DSP: variants seen among roughly 807,000 people sequenced by gnomAD.
The protein encoded by DSP is 250/210 kDa paraneoplastic pemphigus antigen.
In DSP, 114 loss-of-function variants were observed where a neutral mutation model predicts 290.6. That is an observed-to-expected ratio of 0.39 (90% CI 0.34 to 0.46). DSP has a LOEUF of 0.46. DSP is among the 20% of genes least tolerant of loss of function. The probability of loss-of-function intolerance (pLI) is 0.99; values close to 1 mark genes in which losing one functional copy is unlikely to be tolerated. For synonymous variants in DSP, 1,311 were observed against 1,316.4 expected (o/e 1.00, Z 0.09); for missense variants, 3,230 against 3,495.8 (o/e 0.92, Z 1.92).
rs1303168294 is a variant in DSP at position 7,585,702 on chromosome 6, C to T, written c.8440C>T (p.Pro2814Ser). Reference sequence around the variant, plus strand: ...CGCCTCCGTGTCGTCCAAGGGCTTACCCAGCCCTTACAACATGTCTTCGGC... The same window carrying T: ...CGCCTCCGTGTCGTCCAAGGGCTTATCCAGCCCTTACAACATGTCTTCGGC... ...EAASVSSKGL[P>S]SPYNMSSAPG... The change falls in exon 24 of 24, where the codon CCC (proline) becomes TCC (serine). Residue 2814 changes from proline to serine, a missense_variant. By Grantham distance (74) the Pro-to-Ser change is moderately conservative. Around this residue, in one of 5 missense-constraint regions of DSP, gnomAD observed 582 missense variants for 555.4 expected, o/e 1.05. Coordinates refer to ENST00000379802, the MANE Select transcript of DSP (RefSeq NM_004415.4). 6.2e-7 allele frequency: 1 copy of T among 1,613,902 alleles called. No homozygotes were observed. The highest frequency in any genetic ancestry group is 8.5e-7 in the Non-Finnish European group (1 of 1,179,956).
At position 7,579,078 on chromosome 6, in the gene DSP, G is replaced by T. The variant is rs2757634; in HGVS notation, c.3085-197G>T. Among the ~76,000 whole-genome samples the T allele has an allele frequency of 0.68, 103,719 of 152,052 alleles. 35,679 individuals are homozygous for T. The highest frequency in any genetic ancestry group is 0.8 in the East Asian group (4,126 of 5,178). On this transcript the variant is annotated intron_variant, in intron 22 of 23. Coordinates refer to ENST00000379802, the MANE Select transcript of DSP (RefSeq NM_004415.4). This position sits in a 1 kb window ranked among gnomAD's most constrained non-coding sequence, Gnocchi z 4.1. ...AAAGATAATATATCATTTGCTAAGA[G>T]CATATGAGCAGCTGGTGCAAGAATT...
chr6:7,556,293 G>A (rs898515406), intron 2 of DSP, among the ~76,000 whole-genome samples: 3 of 152,082 alleles, frequency 2.0e-5, no homozygotes, highest in Non-Finnish European at 4.4e-5. Flanking sequence ...GGAAAATTGA[G>A]GAGAAATGGT....
At chr6:7,567,048 G>T (rs1214112322) in intron 8 of DSP, among the ~76,000 whole-genome samples, 1 of 152,196 alleles carries the variant, frequency 6.6e-6, no homozygotes, top group African/African-American at 2.4e-5. Flanking sequence ...GCAAAGGGAT[G>T]CCACTCCAGT....
At chr6:7,547,970 A>T (rs1013660341) in intron 1 of DSP, among the ~76,000 whole-genome samples, 1 of 151,966 alleles carries the variant, frequency 6.6e-6, no homozygotes, top group African/African-American at 2.4e-5. Context: ...CAAAGACAAA[A>T]CACAAAAACG....
rs1759583033 is a variant in DSP, at chr6:7,584,866, A to G, written c.7604A>G (p.Asp2535Gly). The stretch of plus-strand genomic sequence containing the variant: ...CAGTATGATATTCAAGATGCTATTG[A>G]CAAGGGCCTTGTTGACAGGAAGTTC... ...GSQYDIQDAI[D>G]KGLVDRKFFD... The change falls in exon 24 of 24, where the codon GAC becomes GGC. Residue 2535 changes from aspartate (D) to glycine (G), a missense_variant. Coordinates refer to ENST00000379802, the MANE Select transcript of DSP (RefSeq NM_004415.4). This position sits in a 1 kb window ranked among gnomAD's most constrained non-coding sequence, Gnocchi z 6.4. 6.2e-7 allele frequency: 1 copy of G among 1,614,190 alleles called. No homozygotes were observed. Among genetic ancestry groups the G allele is most frequent in the African/African-American group, 1.3e-5 (1 of 75,048 alleles).
intron 14 of DSP, 103 bp downstream of exon 14, chr6:7,571,687 T>C (rs1759058513): frequency 6.6e-7 from 1 of 1,516,920 alleles, no homozygotes; most frequent in Non-Finnish European, 9.1e-7. Flanking sequence ...CTGAATGCTA[T>C]ATAGCCAGTG....
At position 7,579,553 on chromosome 6, in the gene DSP, A is replaced by C; in HGVS notation, c.3363A>C (p.Glu1121Asp). Residue 1121 changes from glutamate to aspartate, a missense_variant, in exon 23 of 24, where the codon GAA (glutamate) becomes GAC (aspartate). Around this residue, in one of 5 missense-constraint regions of DSP, gnomAD observed 1,714 missense variants for 1,844.5 expected, o/e 0.93. Coordinates refer to ENST00000379802, the MANE Select transcript of DSP (RefSeq NM_004415.4). This position sits in a 1 kb window ranked among gnomAD's most constrained non-coding sequence, Gnocchi z 4.1. ...ITRLTYEIEDEKRRRKSVEDR... is the reference protein window; with the variant it reads ...ITRLTYEIEDDKRRRKSVEDR... Reference sequence around the variant, plus strand: ...GACTGACTTATGAGATTGAAGATGAAAAGAGAAGAAGAAAATCTGTGGAAG... The same window carrying C: ...GACTGACTTATGAGATTGAAGATGACAAGAGAAGAAGAAAATCTGTGGAAG... The C allele has an allele frequency of 6.2e-7, 1 of 1,613,986 alleles. No individual in the cohort carries two copies. The highest frequency in any genetic ancestry group is 8.5e-7 in the Non-Finnish European group (1 of 1,180,024).
chr6:7,582,924 A>C lies in DSP; in HGVS notation c.5662A>C (p.Ser1888Arg). Residue 1888 changes from serine (S) to arginine (R), a missense_variant, in exon 24 of 24, where the codon AGT (serine) becomes CGT (arginine). Physicochemically the swap from Ser to Arg is moderately radical, Grantham distance 110. Coordinates refer to ENST00000379802, the MANE Select transcript of DSP (RefSeq NM_004415.4). This position sits in a 1 kb window ranked among gnomAD's most constrained non-coding sequence, Gnocchi z 4.2. ...GAAGATAGAATCGGAAAGAGAAAAG[A>C]GTGAGAGAGAGAAGAACAGTCTTAG... ...IRKIESEREK[S>R]EREKNSLRSE... The C allele has an allele frequency of 6.2e-7, 1 of 1,614,108 alleles. No homozygotes were observed.
At chr6:7,544,830 A>G (rs1342644810) in intron 1 of DSP, among the ~76,000 whole-genome samples, 1 of 151,972 alleles carries the variant, frequency 6.6e-6, no homozygotes, top group Non-Finnish European at 1.5e-5. Context: ...TTTGTTTTAG[A>G]TTGAATGGAA....
At position 7,574,676 on chromosome 6, in the gene DSP, C is replaced by T. The variant is rs767433534; in HGVS notation, c.2317C>T (p.Leu773=). 1.5e-5 allele frequency: 24 copies of T among 1,614,094 alleles called. 1 individual carries two copies. The South Asian group carries it at 2.4e-4, about 16-fold the overall frequency. Reference sequence around the variant, plus strand: ...TTCCAGCTTATGCACAGTAAGGGCACTGCTCCAGGCTATTCTCCAAACAGA... The same window carrying T: ...TTCCAGCTTATGCACAGTAAGGGCATTGCTCCAGGCTATTCTCCAAACAGA... ...YLNSLCTVRA[L]LQAILQTEDM... is the part of the protein sequence containing the mutation. The change falls in exon 17 of 24, where the codon CTG becomes TTG. Residue 773 remains leucine, a synonymous_variant. Coordinates refer to ENST00000379802, the MANE Select transcript of DSP (RefSeq NM_004415.4).
In DSP at chr6:7,582,856, A is replaced by T; in HGVS notation, c.5594A>T (p.Asn1865Ile). 6.2e-7 allele frequency: 1 copy of T among 1,614,176 alleles called. No individual in the cohort carries two copies. Among genetic ancestry groups the T allele is most frequent in the Non-Finnish European group, 8.5e-7 (1 of 1,180,040 alleles). ...CEKQQIQNDL[N>I]QWKTQYSRKE... The stretch of plus-strand genomic sequence containing the variant: ...AAACAGCAAATTCAGAATGACCTGA[A>T]TCAGTGGAAGACTCAATATTCCCGC... Residue 1865 changes from asparagine (N) to isoleucine (I), a missense_variant, in exon 24 of 24, where the codon AAT becomes ATT. By Grantham distance (149) the Asn-to-Ile change is moderately radical (BLOSUM62 -3). Around this residue, in one of 5 missense-constraint regions of DSP, gnomAD observed 1,714 missense variants for 1,844.5 expected, o/e 0.93. Transcript: ENST00000379802. The surrounding 1 kb of genome is among the most constrained non-coding windows in gnomAD (Gnocchi z 4.2).
chr6:7,583,746 C>T lies in DSP; in HGVS notation c.6484C>T (p.Leu2162=). ...GLIDRDLYRS[L]NDPRDSQKNF... ...GATTGATAGAGATTTGTATCGATCCCTGAATGATCCCCGAGATAGTCAGAA... is the reference window on the plus strand; with the variant it reads ...GATTGATAGAGATTTGTATCGATCCTTGAATGATCCCCGAGATAGTCAGAA... Residue 2162 remains leucine (L), a synonymous_variant, in exon 24 of 24, where the codon CTG becomes TTG. Transcript: ENST00000379802. The surrounding 1 kb of genome is among the most constrained non-coding windows in gnomAD (Gnocchi z 4.0). The T allele has an allele frequency of 6.2e-7, 1 of 1,614,096 alleles. No individual in the cohort carries two copies. Among genetic ancestry groups the T allele is most frequent in the Non-Finnish European group, 8.5e-7 (1 of 1,180,030 alleles).
At chr6:7,543,449 CT>C (rs1246465718) in intron 1 of DSP, among the ~76,000 whole-genome samples, 2 of 51,058 alleles carry the variant, frequency 3.9e-5, no homozygotes, top group Non-Finnish European at 7.4e-5. Context: ...TCTTGGAGTT[CT>C]TTGTTTCCTG....
At position 7,571,985 on chromosome 6, in the gene DSP, G is replaced by A. The variant is rs775181391; in HGVS notation, c.2047G>A (p.Glu683Lys). 1.4e-5 allele frequency: 22 copies of A among 1,614,066 alleles called. No individual in the cohort carries two copies. Among genetic ancestry groups the A allele is most frequent in the South Asian group, 8.8e-5 (8 of 91,092 alleles). ...GATTCGCAGGCAGATAGAGCACTGC[G>A]AGGGCAGGATGACTCTCAAAAACCT... ...QKIRRQIEHC[E>K]GRMTLKNLPL... The change falls in exon 15 of 24, where the codon GAG (glutamate) becomes AAG (lysine). Residue 683 changes from glutamate (E) to lysine (K), a missense_variant. Physicochemically the swap from Glu to Lys is moderately conservative, Grantham distance 56. Coordinates refer to ENST00000379802, the MANE Select transcript of DSP (RefSeq NM_004415.4).
intron 15 of DSP, among the ~76,000 whole-genome samples, chr6:7,572,538 G>C (rs1377772777): frequency 2.6e-5 from 4 of 152,132 alleles, no homozygotes; most frequent in African/African-American, 9.7e-5. Flanking sequence ...CCTAAATAGA[G>C]ATATTCTAAG....
chr6:7,542,694 G>T (rs1050324555), intron 1 of DSP, among the ~76,000 whole-genome samples: 1 of 152,132 alleles, frequency 6.6e-6, no homozygotes, highest in African/African-American at 2.4e-5. Flanking sequence ...GGCTTCCCCT[G>T]TCCGGGAAAC....
chr6:7,568,306 G>C (rs1406669441), intron 10 of DSP, 131 bp from the exon 11 acceptor site: 41 of 1,053,512 alleles, frequency 3.9e-5, no homozygotes, highest in Non-Finnish European at 5.8e-5. Flanking sequence ...CGACGAATTT[G>C]TGATTTTTTA....
At chr6:7,568,022 G>A in intron 10 of DSP, 116 bp downstream of exon 10, 2 of 1,468,258 alleles carry the variant, frequency 1.4e-6, no homozygotes, top group South Asian at 1.2e-5. Context: ...CCAGAGCCAA[G>A]CAAGCATTTT....
chr6:7,559,211 T>G lies in DSP; in HGVS notation c.423-15T>G. 2 of 1,605,262 alleles carry G rather than the reference T, an allele frequency of 1.2e-6. No individual in the cohort carries two copies. The highest frequency in any genetic ancestry group is 1.7e-6 in the Non-Finnish European group (2 of 1,179,868). On this transcript the variant is annotated splice_polypyrimidine_tract_variant and intron_variant, in intron 3 of 23. Coordinates refer to ENST00000379802, the MANE Select transcript of DSP (RefSeq NM_004415.4). ...CTGTTTTCCTGCAGTGGTTTAAAGG[T>G]TTTTTTCTTTGCAGGCTTCTTCAGC... is the stretch of plus-strand genomic sequence containing the variant.
Sources: allele counts gnomAD v4.1 joint callset (sites outside exome capture counted in the v4.1 genomes callset), GRCh38; gene constraint gnomAD v4.1.1; regional missense constraint gnomAD v4.1.1; non-coding constraint Gnocchi (gnomAD v3.1); transcripts MANE v1.5; gene names NCBI Gene and HGNC (gene_info 2026-07-23, HGNC 2026-07-21).